The following STARD7 variants were observed in gnomAD, a reference collection of about 807,000 sequenced individuals.
STARD7 encodes the protein stAR-related lipid transfer protein 7, mitochondrial.
Under a neutral mutation model 45.3 loss-of-function variants are expected in STARD7, and 30 were observed. The observed-to-expected ratio is 0.66, with a 90% CI of 0.50 to 0.90. STARD7 has a LOEUF of 0.90. STARD7 is among the 40% of genes least tolerant of loss of function. The probability of loss-of-function intolerance (pLI) is 0.00; values close to 1 mark genes in which losing one functional copy is unlikely to be tolerated. For missense variants in STARD7, 495 were observed against 491.3 expected, an observed-to-expected ratio of 1.01 and a Z score of -0.07; for synonymous variants, 199 against 183.0, an observed-to-expected ratio of 1.09 and a Z score of -0.70.
At chr2:96,197,069 A>ATAACATAAC (rs1331360031) in intron 1 of STARD7, among the ~76,000 whole-genome samples, 3 of 94,112 alleles carry the variant, frequency 3.2e-5, no homozygotes, top group Admixed American at 9.7e-5. Context: ...TCCGTCTCAA[A>ATAACATAAC]ATAAAATAAA....
intron 1 of STARD7, among the ~76,000 whole-genome samples, chr2:96,202,871 C>T (rs1231237657): frequency 6.6e-6 from 1 of 152,156 alleles, no homozygotes; most frequent in African/African-American, 2.4e-5. Context: ...AAATTATTAA[C>T]TATAGGCAAC....
In STARD7 at chr2:96,193,304, C is replaced by A; in HGVS notation, c.598G>T (p.Glu200Ter). Residue 200 changes from glutamate (E) to a stop codon, truncating the protein, a stop_gained, in exon 4 of 8, where the codon GAG (glutamate) becomes TAG (stop). Coordinates refer to ENST00000337288, the MANE Select transcript of STARD7 (RefSeq NM_020151.4). LOFTEE classifies it high-confidence loss of function. ...CTAACCACATCCCTCTCAATCACCT[C>A]CAGCTTGATTACCAGGGCATCCCAT... ...KKWDALVIKL[E>*]VIERDVVSGS... is the part of the protein sequence containing the mutation. 6.2e-7 allele frequency: 1 copy of A among 1,613,940 alleles called. No individual in the cohort carries two copies. Among genetic ancestry groups the A allele is most frequent in the Non-Finnish European group, 8.5e-7 (1 of 1,179,838 alleles).
At position 96,197,100 on chromosome 2, in the gene STARD7, A is replaced by AAACTAAACTAAACAAC. The variant is rs1162445956; in HGVS notation, c.291-1552_291-1551insGTTGTTTAGTTTAGTT. On this transcript the variant is annotated intron_variant, in intron 1 of 7. Coordinates refer to ENST00000337288, the MANE Select transcript of STARD7 (RefSeq NM_020151.4). ...ATAAAATAAAATAAAATAAAATAAA[A>AAACTAAACTAAACAAC]TAAAATAAAATAAAATAAAATAAAG... 2.1e-4 allele frequency among the ~76,000 whole-genome samples: 30 copies of AAACTAAACTAAACAAC among 139,960 alleles called. 5 individuals carry two copies. In the East Asian group the frequency reaches 4.1e-3, roughly 19 times the overall value. The allele number at this position is 139,960 out of a possible 152,430, so 91.8% of individuals were successfully genotyped here. A position where few individuals can be genotyped will look rare whatever the true frequency, so the allele number is the denominator to read the frequency against.
chr2:96,194,883 A>C (rs1683178606), intron 3 of STARD7, 75 bp downstream of exon 3: 1 of 1,254,804 alleles, frequency 8.0e-7, no homozygotes, highest in African/African-American at 1.5e-5. Context: ...CACCTGAGTC[A>C]GATAAATGAT....
At chr2:96,204,085 C>A (rs943583135) in intron 1 of STARD7, among the ~76,000 whole-genome samples, 2 of 152,044 alleles carry the variant, frequency 1.3e-5, no homozygotes, top group Admixed American at 6.5e-5. Context: ...ATGGTGAATC[C>A]CCGTCTCCAC....
chr2:96,193,189 T>A, intron 4 of STARD7, 29 bp from the exon 5 acceptor site: 1 of 1,597,326 alleles, frequency 6.3e-7, no homozygotes, highest in Non-Finnish European at 8.6e-7. Context: ...AGGATTAGTG[T>A]TCTGCATCAC....
rs116461379 is a variant in STARD7, at chr2:96,189,475, C to T, written c.844-2174G>A. On this transcript the variant is annotated intron_variant, in intron 6 of 7. Transcript: ENST00000337288. Reference sequence around the variant, plus strand: ...ATCCCAGCACTCAGAAAGGCCGAGGCGGGCGGATCACTTGAAGTCAGGAGT... The same window carrying T: ...ATCCCAGCACTCAGAAAGGCCGAGGTGGGCGGATCACTTGAAGTCAGGAGT... Among the ~76,000 whole-genome samples, 291 of 152,204 alleles carry T rather than the reference C, an allele frequency of 1.9e-3. 2 individuals carry two copies. The highest frequency in any genetic ancestry group is 6.1e-3 in the African/African-American group (255 of 41,532).
At chr2:96,199,047 T>C (rs965515982) in intron 1 of STARD7, among the ~76,000 whole-genome samples, 1 of 152,240 alleles carries the variant, frequency 6.6e-6, no homozygotes, top group Non-Finnish European at 1.5e-5. Context: ...ATGTCTATCC[T>C]TATGCCAGTA....
chr2:96,190,055 T>C (rs980654270), intron 6 of STARD7, among the ~76,000 whole-genome samples: 5 of 152,284 alleles, frequency 3.3e-5, no homozygotes, highest in East Asian at 3.9e-4. Flanking sequence ...AACGACCCAA[T>C]AGCTATGAAT....
chr2:96,201,168 C>G (rs1459374023), intron 1 of STARD7, among the ~76,000 whole-genome samples: 1 of 151,256 alleles, frequency 6.6e-6, no homozygotes, highest in Admixed American at 6.6e-5. Context: ...CCTAGCATGT[C>G]CTGGTAAACA....
intron 1 of STARD7, among the ~76,000 whole-genome samples, chr2:96,204,168 G>A (rs80298700): frequency 9.7e-4 from 148 of 152,254 alleles, no homozygotes; most frequent in African/African-American, 3.3e-3. Context: ...GCTGAGGCAC[G>A]AGAATAGCTG....
At chr2:96,189,520 C>T (rs905151601) in intron 6 of STARD7, among the ~76,000 whole-genome samples, 4 of 152,064 alleles carry the variant, frequency 2.6e-5, no homozygotes, top group African/African-American at 4.8e-5. Context: ...GCCTGGCCAA[C>T]ATGGTGAAGC....
In STARD7 at chr2:96,197,070, A is replaced by AAACTAACCTAACCTAAACTAAACTAAAC. The variant is rs1573943516; in HGVS notation, c.291-1522_291-1521insGTTTAGTTTAGTTTAGGTTAGGTTAGTT. 3.1e-5 allele frequency among the ~76,000 whole-genome samples: 3 copies of AAACTAACCTAACCTAAACTAAACTAAAC among 96,414 alleles called. No individual in the cohort carries two copies. In the South Asian group the frequency reaches 9.5e-4, roughly 31 times the overall value. The allele number at this position is 96,414 out of a possible 152,430, so 63.3% of individuals were successfully genotyped here. ...AACAAGAGCGAAACTCCGTCTCAAA[A>AAACTAACCTAACCTAAACTAAACTAAAC]TAAAATAAAATAAAATAAAATAAAA... On this transcript the variant is annotated intron_variant, in intron 1 of 7. Coordinates refer to ENST00000337288, the MANE Select transcript of STARD7 (RefSeq NM_020151.4).
intron 1 of STARD7, among the ~76,000 whole-genome samples, chr2:96,202,592 G>A (rs1440384312): frequency 1.3e-5 from 2 of 152,122 alleles, no homozygotes; most frequent in East Asian, 1.9e-4. Flanking sequence ...GCATTTTTGA[G>A]GTCTATAAAG....
intron 1 of STARD7, among the ~76,000 whole-genome samples, chr2:96,197,110 A>AAACC (rs1274720929): frequency 7.1e-6 from 1 of 141,418 alleles, no homozygotes; most frequent in Non-Finnish European, 1.6e-5. Context: ...ATAAAATAAA[A>AAACC]TAAAATAAAA....
At chr2:96,197,330 A>G (rs1489873734) in intron 1 of STARD7, among the ~76,000 whole-genome samples, 1 of 149,358 alleles carries the variant, frequency 6.7e-6, no homozygotes, top group Admixed American at 6.7e-5. Context: ...ACTTGAACCC[A>G]GGAGGCTGAG....
chr2:96,192,453 C>T lies in STARD7; in HGVS notation c.759G>A (p.Pro253=), dbSNP rs532669867. 8.7e-6 allele frequency: 14 copies of T among 1,613,686 alleles called. No individual in the cohort carries two copies. Among genetic ancestry groups the T allele is most frequent in the Middle Eastern group, 1.7e-4 (1 of 6,060 alleles). The change falls in exon 6 of 8, where the codon CCG becomes CCA. Residue 253 remains proline, a synonymous_variant. Transcript: ENST00000337288. ...CGAATTCTGGAGACTCTGGCACACT[C>T]GGATGCTCCACAGCACTGGTAAGGA... ...MVLVSRAVEH[P]SVPESPEFVR... is the part of the protein sequence containing the mutation.
intron 6 of STARD7, among the ~76,000 whole-genome samples, chr2:96,190,833 G>A (rs1683115255): frequency 6.6e-6 from 1 of 151,906 alleles, no homozygotes; most frequent in African/African-American, 2.4e-5. Context: ...TAGAGACCGG[G>A]TCTCTCCATG....
chr2:96,188,426 C>T (rs1239380284), intron 6 of STARD7, among the ~76,000 whole-genome samples: 2 of 151,064 alleles, frequency 1.3e-5, no homozygotes, highest in African/African-American at 4.8e-5. Flanking sequence ...CAGGCATGCA[C>T]CACCATGCCC....
Sources: gnomAD v4.1 joint callset for allele counts (sites outside exome capture counted in the v4.1 genomes callset) on GRCh38, gnomAD v4.1.1 for gene constraint, MANE v1.5 for transcripts, NCBI Gene and HGNC (gene_info 2026-07-23, HGNC 2026-07-21) for gene names.